The following VTCN1 variants were observed in gnomAD, a reference collection of about 807,000 sequenced individuals.
VTCN1 encodes V-set domain-containing T-cell activation inhibitor 1.
A neutral mutation model predicts 26.5 loss-of-function variants in VTCN1; 26 were observed. The observed-to-expected ratio is 0.98, with a 90% confidence interval of 0.72 to 1.36. The LOEUF is 1.36. VTCN1 is among the 40% of genes most tolerant of loss of function. The pLI is 0.00. For missense variants in VTCN1, 298 were observed against 337.7 expected (o/e 0.88, Z 0.92); for synonymous variants, 116 against 130.7 (o/e 0.89, Z 0.77).
At chr1:117,162,482 CAG>C (rs1652416987) in intron 2 of VTCN1, among the ~76,000 whole-genome samples, 1 of 152,058 alleles carries the variant, frequency 6.6e-6, no homozygotes, top group African/African-American at 2.4e-5. Flanking sequence ...CTCACTCCAC[CAG>C]AGATTCTTGT....
intron 1 of VTCN1, among the ~76,000 whole-genome samples, chr1:117,189,894 C>A (rs12038533): frequency 0.18 from 17,336 of 97,798 alleles, 1,055 homozygotes; most frequent in East Asian, 0.33. Flanking sequence ...TGCAAAACCC[C>A]AGTGAAGCCC....
chr1:117,181,956 C>T (rs967737949), intron 1 of VTCN1, among the ~76,000 whole-genome samples: 6 of 152,226 alleles, frequency 3.9e-5, no homozygotes, highest in South Asian at 2.1e-4. Context: ...CTAAAGCCAC[C>T]GTGACTGTTT....
intron 1 of VTCN1, among the ~76,000 whole-genome samples, chr1:117,208,523 C>T (rs1440327148): frequency 2.0e-5 from 3 of 152,138 alleles, no homozygotes; most frequent in Admixed American, 1.3e-4. Context: ...GTCACTTTTG[C>T]CCCATTGTCT....
At chr1:117,176,025 C>T (rs1238451417) in intron 1 of VTCN1, among the ~76,000 whole-genome samples, 1 of 152,154 alleles carries the variant, frequency 6.6e-6, no homozygotes, top group African/African-American at 2.4e-5. Flanking sequence ...CTGCCTCGGC[C>T]TCCCAAAGTG....
At chr1:117,195,416 C>T (rs188367081) in intron 1 of VTCN1, among the ~76,000 whole-genome samples, 1 of 151,844 alleles carries the variant, frequency 6.6e-6, no homozygotes, top group Admixed American at 6.6e-5. Flanking sequence ...TTGTGGTAAT[C>T]GTTTCACAAT....
chr1:117,163,112 C>T (rs1296397056), intron 2 of VTCN1, among the ~76,000 whole-genome samples: 1 of 152,126 alleles, frequency 6.6e-6, no homozygotes, highest in Non-Finnish European at 1.5e-5. Flanking sequence ...TCACTCTTGC[C>T]AAAGAAGACG....
At chr1:117,206,236 C>G (rs532056819) in intron 1 of VTCN1, among the ~76,000 whole-genome samples, 141 of 151,662 alleles carry the variant, frequency 9.3e-4, no homozygotes, top group Non-Finnish European at 1.5e-3. Flanking sequence ...TTAAGAGATC[C>G]CTGGGGCAAT....
intron 1 of VTCN1, among the ~76,000 whole-genome samples, chr1:117,200,935 TG>T (rs1197051307): frequency 2.3e-4 from 35 of 152,210 alleles, no homozygotes; most frequent in African/African-American, 8.2e-4. Context: ...TTTTTTGGTT[TG>T]TTTTTTGTTT....
chr1:117,151,001 G>C (rs986053706), intron 4 of VTCN1, among the ~76,000 whole-genome samples: 1 of 151,998 alleles, frequency 6.6e-6, no homozygotes, highest in Non-Finnish European at 1.5e-5. Context: ...ACCATATTTT[G>C]TTTATCTACT....
At chr1:117,190,150 T>A (rs1334475693) in intron 1 of VTCN1, among the ~76,000 whole-genome samples, 1 of 152,220 alleles carries the variant, frequency 6.6e-6, no homozygotes, top group Non-Finnish European at 1.5e-5. Flanking sequence ...CTAGTCCCTC[T>A]CTGCTGTGCT....
chr1:117,193,826 A>G (rs1307672954), intron 1 of VTCN1, among the ~76,000 whole-genome samples: 7 of 152,196 alleles, frequency 4.6e-5, no homozygotes. Context: ...CACATGCAAA[A>G]GAAAGAAATT....
Position 117,187,777 on chromosome 1 carries a change from A to G in VTCN1, c.33-17606T>C, listed in dbSNP as rs560789486. Among the ~76,000 whole-genome samples the G allele has an allele frequency of 1.1e-4, 16 of 152,312 alleles. No individual in the cohort carries two copies. The South Asian group carries it at 2.7e-3, about 26-fold the overall frequency. Reference sequence around the variant, plus strand: ...AAGATAAAATAGATGCTGCATACCAAAGTGAGGTGCCACATCACTATGCAG... The same window carrying G: ...AAGATAAAATAGATGCTGCATACCAGAGTGAGGTGCCACATCACTATGCAG... On this transcript the variant is annotated intron_variant, in intron 1 of 5. Coordinates refer to ENST00000369458, the MANE Select transcript of VTCN1 (RefSeq NM_024626.4).
intron 2 of VTCN1, among the ~76,000 whole-genome samples, chr1:117,164,380 C>T (rs977044042): frequency 3.3e-5 from 5 of 151,966 alleles, no homozygotes; most frequent in Admixed American, 2.6e-4. Flanking sequence ...GGGGGCGATA[C>T]GGGACACATG....
intron 1 of VTCN1, among the ~76,000 whole-genome samples, chr1:117,185,645 T>A (rs914554121): frequency 1.3e-5 from 2 of 152,200 alleles, no homozygotes; most frequent in Non-Finnish European, 2.9e-5. Flanking sequence ...ACAGGCTTTA[T>A]CCGATAAGAA....
chr1:117,178,679 G>A (rs1477475460), intron 1 of VTCN1, among the ~76,000 whole-genome samples: 1 of 130,972 alleles, frequency 7.6e-6, no homozygotes, highest in African/African-American at 2.9e-5. Context: ...CTGTAGCCTT[G>A]AACTCCTAGG....
intron 1 of VTCN1, among the ~76,000 whole-genome samples, chr1:117,205,552 C>G (rs564369870): frequency 6.6e-5 from 10 of 152,260 alleles, no homozygotes; most frequent in African/African-American, 2.4e-4. Flanking sequence ...GACCAACAAT[C>G]CACAGGCTGC....
At chr1:117,210,468 C>A (rs141455678) in intron 1 of VTCN1, among the ~76,000 whole-genome samples, 1,703 of 152,326 alleles carry the variant, frequency 0.011, 20 homozygotes, top group South Asian at 0.058. Flanking sequence ...CACCATGCAA[C>A]CCACACCAGC....
At chr1:117,194,044 T>G (rs571740401) in intron 1 of VTCN1, among the ~76,000 whole-genome samples, 1 of 152,158 alleles carries the variant, frequency 6.6e-6, no homozygotes, top group Non-Finnish European at 1.5e-5. Context: ...AGAAATCTTC[T>G]GCACAGCGAA....
chr1:117,168,506 G>T (rs1182834254), intron 2 of VTCN1, among the ~76,000 whole-genome samples: 2 of 152,162 alleles, frequency 1.3e-5, no homozygotes, highest in South Asian at 2.1e-4. Context: ...AATAGGCAAA[G>T]ATTTCTTAAA....
Sources: gnomAD v4.1 joint callset for allele counts (sites outside exome capture counted in the v4.1 genomes callset) on GRCh38, gnomAD v4.1.1 for gene constraint, MANE v1.5 for transcripts, NCBI Gene and HGNC (gene_info 2026-07-23, HGNC 2026-07-21) for gene names.